Variants in DOP1B observed in about 807,000 individuals in gnomAD.
DOP1B encodes protein DOP1B.
In DOP1B, 174 loss-of-function variants were observed where a neutral mutation model predicts 233.5. The ratio of observed to expected loss-of-function variants is 0.75; its 90% CI spans 0.66 to 0.85. The LOEUF is 0.85. Ranked by LOEUF, DOP1B falls within the 40% of genes least tolerant of loss-of-function variation. The probability of loss-of-function intolerance (pLI) is 0.00; values close to 1 mark genes in which losing one functional copy is unlikely to be tolerated. For synonymous variants in DOP1B, 1,190 were observed against 1,185.6 expected, an observed-to-expected ratio of 1.00 and a Z score of -0.08; for missense variants, 2,652 against 2,846.6, an observed-to-expected ratio of 0.93 and a Z score of 1.56.
chr21:36,170,885 T>A (rs1568997809), intron 2 of DOP1B, among the ~76,000 whole-genome samples: 1 of 152,072 alleles, frequency 6.6e-6, no homozygotes, highest in African/African-American at 2.4e-5. Flanking sequence ...ATCTCATTTC[T>A]TGTTCCCTGC....
intron 2 of DOP1B, among the ~76,000 whole-genome samples, chr21:36,167,572 A>T (rs961254645): frequency 1.3e-5 from 2 of 152,068 alleles, no homozygotes; most frequent in Non-Finnish European, 2.9e-5. Context: ...AAAATTCACC[A>T]TTTACCCATT....
At chr21:36,186,662 A>T (rs190934224) in intron 2 of DOP1B, among the ~76,000 whole-genome samples, 2 of 151,640 alleles carry the variant, frequency 1.3e-5, no homozygotes, top group East Asian at 3.9e-4. Context: ...TACATGTTCC[A>T]CCCCCACCCC....
At chr21:36,186,614 G>C (rs1031621227) in intron 2 of DOP1B, among the ~76,000 whole-genome samples, 2 of 152,004 alleles carry the variant, frequency 1.3e-5, no homozygotes, top group African/African-American at 4.8e-5. Flanking sequence ...TATATTTTTG[G>C]TCACCTACAG....
At chr21:36,167,934 C>A (rs111888974) in intron 2 of DOP1B, among the ~76,000 whole-genome samples, 1 of 75,398 alleles carries the variant, frequency 1.3e-5, no homozygotes, top group East Asian at 4.0e-4. Context: ...CTTTTCTTTT[C>A]TTTTTCTTTT....
intron 24 of DOP1B, chr21:36,261,177 C>A: frequency 2.3e-6 from 2 of 882,620 alleles, no homozygotes; most frequent in Non-Finnish European, 2.7e-6. Flanking sequence ...CCAGCCTAGT[C>A]AACATGGTGA....
At chr21:36,178,680 A>G (rs1284211454) in intron 2 of DOP1B, among the ~76,000 whole-genome samples, 1 of 152,186 alleles carries the variant, frequency 6.6e-6, no homozygotes, top group African/African-American at 2.4e-5. Context: ...TTAAACTTGT[A>G]TTTTTCAGAA....
At chr21:36,263,680 A>T (rs762973239) in intron 25 of DOP1B, 30 bp downstream of exon 25, 1 of 1,613,370 alleles carries the variant, frequency 6.2e-7, no homozygotes, top group Non-Finnish European at 8.5e-7. Flanking sequence ...TCATTGTGTA[A>T]TATTTTCTCT....
Position 36,245,924 on chromosome 21 carries a change from T to C in DOP1B, c.3944T>C (p.Leu1315Pro). The change falls in exon 19 of 37, where the codon CTC becomes CCC. Residue 1315 changes from leucine (L) to proline (P), a missense_variant. Physicochemically the swap from Leu to Pro is moderately conservative, Grantham distance 98 (BLOSUM62 -3). Transcript: ENST00000691173. The surrounding 1 kb of genome is among the most constrained non-coding windows in gnomAD (Gnocchi z 5.5). ...CCCCACTCTCTGCTCCTGGAGCTGC[T>C]CACCTACCTCTGCCTGAGCTTCCTG... ...VCPHSLLLEL[L>P]TYLCLSFLRS... The C allele has an allele frequency of 6.2e-7, 1 of 1,613,854 alleles. No individual in the cohort carries two copies. The highest frequency in any genetic ancestry group is 8.5e-7 in the Non-Finnish European group (1 of 1,180,002).
chr21:36,186,260 A>T (rs1434387533), intron 2 of DOP1B, among the ~76,000 whole-genome samples: 1 of 152,122 alleles, frequency 6.6e-6, no homozygotes, highest in Non-Finnish European at 1.5e-5. Flanking sequence ...AGTCATCTTA[A>T]CTAAGAGATT....
intron 14 of DOP1B, among the ~76,000 whole-genome samples, chr21:36,232,113 G>C (rs749069795): frequency 2.0e-5 from 3 of 152,014 alleles, no homozygotes; most frequent in Non-Finnish European, 4.4e-5. Context: ...CAAAGTGCTG[G>C]GGTTACAGGC....
chr21:36,267,228 G>C (rs1403639464), intron 26 of DOP1B, among the ~76,000 whole-genome samples: 1 of 152,216 alleles, frequency 6.6e-6, no homozygotes, highest in Non-Finnish European at 1.5e-5. Flanking sequence ...ACTCCTGAGA[G>C]TGGATGACTC....
At chr21:36,191,784 CAA>C (rs35895174) in intron 2 of DOP1B, among the ~76,000 whole-genome samples, 27 of 133,764 alleles carry the variant, frequency 2.0e-4, no homozygotes, top group Admixed American at 2.3e-4. Flanking sequence ...GACTCTGTCT[CAA>C]AAAAAAAAAA....
At chr21:36,215,234 C>T (rs985331687) in intron 9 of DOP1B, among the ~76,000 whole-genome samples, 29 of 152,078 alleles carry the variant, frequency 1.9e-4, no homozygotes, top group African/African-American at 6.5e-4. Flanking sequence ...GGATCCTGGG[C>T]AAGCCACTTC....
intron 36 of DOP1B, among the ~76,000 whole-genome samples, chr21:36,293,071 T>C (rs1267848227): frequency 6.6e-6 from 1 of 152,000 alleles, no homozygotes; most frequent in Admixed American, 6.6e-5. Flanking sequence ...CTGGTCATGG[T>C]GACCGGTACC....
intron 36 of DOP1B, among the ~76,000 whole-genome samples, chr21:36,292,833 C>G (rs945592142): frequency 3.9e-5 from 6 of 152,000 alleles, no homozygotes; most frequent in Admixed American, 6.6e-5. Context: ...AGGCTGGTCT[C>G]GAACTCCTGA....
intron 1 of DOP1B, among the ~76,000 whole-genome samples, chr21:36,158,620 T>C (rs755300659): frequency 3.3e-5 from 5 of 151,828 alleles, no homozygotes; most frequent in African/African-American, 1.2e-4. Flanking sequence ...CTGGCCAACA[T>C]GATGAAACTG....
At chr21:36,187,025 G>A (rs1232695238) in intron 2 of DOP1B, among the ~76,000 whole-genome samples, 2 of 152,070 alleles carry the variant, frequency 1.3e-5, no homozygotes, top group African/African-American at 4.8e-5. Flanking sequence ...CCACCTCTGG[G>A]TAAACTGATA....
chr21:36,209,341 C>T (rs111758548), intron 5 of DOP1B, among the ~76,000 whole-genome samples: 1,668 of 152,276 alleles, frequency 0.011, 26 homozygotes, highest in African/African-American at 0.038. Context: ...AGGATGGTCT[C>T]GAACTGCCTG....
In DOP1B at chr21:36,245,435, G is replaced by A. The variant is rs545121355; in HGVS notation, c.3455G>A (p.Gly1152Asp). 8 of 1,614,008 alleles carry A rather than the reference G, an allele frequency of 5.0e-6. No individual in the cohort carries two copies. In the South Asian group the frequency reaches 6.6e-5, roughly 13 times the overall value. ...ENCCAPIPMGGRAYPKRSALL... is the reference protein window; with the variant it reads ...ENCCAPIPMGDRAYPKRSALL... Reference sequence around the variant, plus strand: ...TGCTGTGCACCCATCCCCATGGGGGGCAGGGCGTACCCCAAGCGCTCGGCC... The same window carrying A: ...TGCTGTGCACCCATCCCCATGGGGGACAGGGCGTACCCCAAGCGCTCGGCC... Residue 1152 changes from glycine (G) to aspartate (D), a missense_variant, in exon 19 of 37, where the codon GGC (glycine) becomes GAC (aspartate). By Grantham distance (94) the Gly-to-Asp change is moderately conservative. Around this residue, in one of 3 missense-constraint regions of DOP1B, gnomAD observed 2,617 missense variants for 2,794.3 expected, o/e 0.94. Transcript: ENST00000691173. The surrounding 1 kb of genome is among the most constrained non-coding windows in gnomAD (Gnocchi z 5.5).
Sources: gnomAD v4.1 joint callset for allele counts (sites outside exome capture counted in the v4.1 genomes callset) on GRCh38, gnomAD v4.1.1 for gene constraint, gnomAD v4.1.1 regional missense constraint, Gnocchi (gnomAD v3.1) non-coding constraint, MANE v1.5 for transcripts, NCBI Gene and HGNC (gene_info 2026-07-23, HGNC 2026-07-21) for gene names.